The following EHMT1 variants were observed in gnomAD, a reference collection of about 807,000 sequenced individuals.
EHMT1 encodes the protein histone-lysine N-methyltransferase EHMT1.
EHMT1 carries 15 observed loss-of-function variants against 147.2 expected under a neutral mutation model. That is an observed-to-expected ratio of 0.10 (90% CI 0.07 to 0.16). The LOEUF is 0.16. EHMT1 is among the 10% of genes least tolerant of loss of function. The pLI is 1.00. For synonymous variants in EHMT1, 795 were observed against 709.6 expected, an observed-to-expected ratio of 1.12 and a Z score of -1.91; for missense variants, 1,587 against 1,772.4, an observed-to-expected ratio of 0.90 and a Z score of 1.88.
chr9:137,668,360 C>G (rs1349246253), intron 1 of EHMT1, among the ~76,000 whole-genome samples: 1 of 151,784 alleles, frequency 6.6e-6, no homozygotes, highest in African/African-American at 2.4e-5. Context: ...GGCACATACA[C>G]CCACCCACTC....
rs368919317 is a variant in EHMT1, at chr9:137,716,587, G to A, written c.86-39G>A. On this transcript the variant is annotated intron_variant, in intron 2 of 26. Coordinates refer to ENST00000460843, the MANE Select transcript of EHMT1 (RefSeq NM_024757.5). ...TGGTGGTGGTGGTGCCATGGAGAGC[G>A]TGGCCTGCAGTCAGTGACACTCGTT... The A allele has an allele frequency of 5.5e-5, 84 of 1,528,710 alleles. 1 individual carries two copies. The highest frequency in any genetic ancestry group is 1.3e-4 in the South Asian group (10 of 77,230). 94.7% of individuals were successfully genotyped at this position (1,528,710 alleles called of 1,614,324 possible).
At chr9:137,717,230 T>A (rs368241757) in intron 3 of EHMT1, 48 bp downstream of exon 3, 194 of 1,599,756 alleles carry the variant, frequency 1.2e-4, no homozygotes, top group Non-Finnish European at 1.3e-4. Flanking sequence ...ATCTCTTTTG[T>A]TTTAATAACG....
rs942294294 is a variant in EHMT1 at position 137,663,429 on chromosome 9, C to T, written c.21+44380C>T. Among the ~76,000 whole-genome samples, 24 of 152,200 alleles carry T rather than the reference C, an allele frequency of 1.6e-4. No individual in the cohort carries two copies. The South Asian group carries it at 2.9e-3, about 18-fold the overall frequency. On this transcript the variant is annotated intron_variant, in intron 1 of 26. Transcript: ENST00000460843. ...GAGCAGCATGGAGCAGTGGTAGCAG[C>T]GTCCTGTGTGCTGGAGTGGACTGCT...
In EHMT1 at chr9:137,835,183, G is replaced by T. The variant is rs931134143; in HGVS notation, c.*230G>T. 5 of 430,424 alleles carry T rather than the reference G, an allele frequency of 1.2e-5. No individual in the cohort carries two copies. Among genetic ancestry groups the T allele is most frequent in the African/African-American group, 8.4e-5 (4 of 47,490 alleles). The allele number at this position is 430,424 out of a possible 1,614,324, so 26.7% of individuals were successfully genotyped here. A position where few individuals can be genotyped will look rare whatever the true frequency, so the allele number is the denominator to read the frequency against. ...GCGGGCCCAGTGCCCAGGCTGGAGC[G>T]CACACTTTGGTCCGCGCGCCAGAGA... On this transcript the variant is annotated 3_prime_UTR_variant, in exon 27 of 27. Coordinates refer to ENST00000460843, the MANE Select transcript of EHMT1 (RefSeq NM_024757.5).
intron 3 of EHMT1, among the ~76,000 whole-genome samples, chr9:137,719,840 C>T (rs1441221621): frequency 6.6e-6 from 1 of 151,470 alleles, no homozygotes; most frequent in East Asian, 1.9e-4. Flanking sequence ...CACACCAGGA[C>T]ACATGAGGTG....
intron 18 of EHMT1, among the ~76,000 whole-genome samples, chr9:137,810,431 T>G (rs907654222): frequency 6.6e-6 from 1 of 152,254 alleles, no homozygotes; most frequent in Non-Finnish European, 1.5e-5. Flanking sequence ...TATCGCTGTT[T>G]TATCCCTGGG....
intron 1 of EHMT1, among the ~76,000 whole-genome samples, chr9:137,622,615 C>T (rs1843002205): frequency 6.6e-6 from 1 of 152,152 alleles, no homozygotes; most frequent in Admixed American, 6.5e-5. Flanking sequence ...GTTCATCCTG[C>T]CCCAATCAGA....
intron 1 of EHMT1, among the ~76,000 whole-genome samples, chr9:137,695,533 A>T (rs1396477311): frequency 6.6e-6 from 1 of 152,258 alleles, no homozygotes; most frequent in African/African-American, 2.4e-5. Flanking sequence ...TTCAGACGGC[A>T]CAGAGGAGAT....
chr9:137,718,587 CG>C (rs112081151), intron 3 of EHMT1, among the ~76,000 whole-genome samples: 135 of 152,194 alleles, frequency 8.9e-4, no homozygotes, highest in African/African-American at 3.0e-3. Context: ...CTTAAATGGC[CG>C]GCTCTTCTGT....
chr9:137,650,584 T>C (rs909395811), intron 1 of EHMT1, among the ~76,000 whole-genome samples: 9 of 152,090 alleles, frequency 5.9e-5, no homozygotes, highest in Admixed American at 3.9e-4. Context: ...CATTTTAAAT[T>C]GGGTTGTCTT....
intron 6 of EHMT1, chr9:137,747,851 G>GT (rs1195613457): frequency 1.1e-4 from 16 of 151,480 alleles, no homozygotes; most frequent in Middle Eastern, 3.4e-3. Flanking sequence ...TGCTAACCGT[G>GT]TAGGATGGTC....
chr9:137,743,144 A>G, intron 4 of EHMT1: 1 of 530,974 alleles, frequency 1.9e-6, no homozygotes, highest in East Asian at 3.4e-5. Context: ...TGAATGGAAC[A>G]GATGAACAGA....
At chr9:137,803,505 C>T (rs572489381) in intron 18 of EHMT1, among the ~76,000 whole-genome samples, 8 of 152,178 alleles carry the variant, frequency 5.3e-5, no homozygotes, top group Non-Finnish European at 1.0e-4. Flanking sequence ...ATTTTCGTTG[C>T]CTGAAGTGCC....
At chr9:137,681,982 G>A (rs1400132448) in intron 1 of EHMT1, among the ~76,000 whole-genome samples, 3 of 151,846 alleles carry the variant, frequency 2.0e-5, no homozygotes, top group South Asian at 2.1e-4. Flanking sequence ...AGGCAGTCTC[G>A]CTCTGTCGCC....
chr9:137,621,734 A>C (rs1482112511), intron 1 of EHMT1, among the ~76,000 whole-genome samples: 1 of 152,222 alleles, frequency 6.6e-6, no homozygotes, highest in East Asian at 1.9e-4. Context: ...ACTGAGGATC[A>C]GATCCTAGGG....
At position 137,776,894 on chromosome 9, in the gene EHMT1, G is replaced by C; in HGVS notation, c.2018+50G>C. 6.4e-7 allele frequency: 1 copy of C among 1,565,908 alleles called. No homozygotes were observed. Among genetic ancestry groups the C allele is most frequent in the Non-Finnish European group, 8.7e-7 (1 of 1,143,310 alleles). ...GCTCTCCAGTCGTCCACCTGAAAAA[G>C]TTTCAGTTGTTAACTCAACGTTATT... On this transcript the variant is annotated intron_variant, in intron 12 of 26. Coordinates refer to ENST00000460843, the MANE Select transcript of EHMT1 (RefSeq NM_024757.5). This position sits in a 1 kb window ranked among gnomAD's most constrained non-coding sequence, Gnocchi z 4.4.
chr9:137,728,590 C>G lies in EHMT1; in HGVS notation c.823+61C>G, dbSNP rs1035330868. ...ATGTATGTTTCGAGCCTGCCCCTTGCCAGGTGAGAGTTCTGTTTGGCTGTA... is the reference window on the plus strand; with the variant it reads ...ATGTATGTTTCGAGCCTGCCCCTTGGCAGGTGAGAGTTCTGTTTGGCTGTA... On this transcript the variant is annotated intron_variant, in intron 4 of 26. Transcript: ENST00000460843. 5.6e-6 allele frequency: 9 copies of G among 1,608,034 alleles called. No homozygotes were observed. The African/African-American group carries it at 1.2e-4, about 22-fold the overall frequency.
chr9:137,800,388 G>C, intron 17 of EHMT1: 1 of 189,014 alleles, frequency 5.3e-6, no homozygotes, highest in Non-Finnish European at 1.1e-5. Context: ...GTTCCCAGCT[G>C]CTGCTCTGAT....
At chr9:137,778,248 A>G (rs553248550) in intron 13 of EHMT1, among the ~76,000 whole-genome samples, 193 bp downstream of exon 13, 1 of 152,310 alleles carries the variant, frequency 6.6e-6, no homozygotes, top group African/African-American at 2.4e-5. Flanking sequence ...AGTAAGAGCA[A>G]CCTCTGACAC....
Sources: gnomAD v4.1 joint callset for allele counts (sites outside exome capture counted in the v4.1 genomes callset) on GRCh38, gnomAD v4.1.1 for gene constraint, Gnocchi (gnomAD v3.1) non-coding constraint, MANE v1.5 for transcripts, NCBI Gene and HGNC (gene_info 2026-07-23, HGNC 2026-07-21) for gene names.